The following GRAMD1B variants were observed in gnomAD, a reference collection of about 807,000 sequenced individuals.
GRAMD1B encodes protein Aster-B.
A neutral mutation model predicts 99.7 loss-of-function variants in GRAMD1B; 37 were observed. The observed-to-expected ratio is 0.37, with a 90% CI of 0.29 to 0.49. GRAMD1B has a LOEUF of 0.49. Among genes scored for constraint, GRAMD1B ranks in the 20% least tolerant of loss-of-function variants. The pLI is 0.98. For synonymous variants in GRAMD1B, 427 were observed against 387.6 expected (o/e 1.10, Z -1.19); for missense variants, 888 against 1,009.2 (o/e 0.88, Z 1.63).
chr11:123,597,256 CTTTTTTTTTTTT>C (rs71060518), intron 7 of GRAMD1B, among the ~76,000 whole-genome samples: 2,195 of 76,602 alleles, frequency 0.029, 40 homozygotes, highest in Non-Finnish European at 0.04. Context: ...GCCACTATGC[CTTTTTTTTTTTT>C]TTTTTTTTTT....
intron 1 of GRAMD1B, among the ~76,000 whole-genome samples, chr11:123,461,902 G>A (rs1047337406): frequency 1.3e-5 from 2 of 151,028 alleles, no homozygotes; most frequent in South Asian, 2.1e-4. Context: ...CACTGCGCCC[G>A]GCCAAGATAG....
chr11:123,612,941 A>T, intron 15 of GRAMD1B, 77 bp downstream of exon 15: 1 of 792,754 alleles, frequency 1.3e-6, no homozygotes, highest in Non-Finnish European at 2.1e-6. Context: ...CATTCAGGGG[A>T]ATGGTATTGA....
chr11:123,523,821 A>G (rs548972741), intron 2 of GRAMD1B, among the ~76,000 whole-genome samples: 1 of 152,282 alleles, frequency 6.6e-6, no homozygotes, highest in African/African-American at 2.4e-5. Flanking sequence ...CATCCCTTCA[A>G]TATCTGTGCT....
At chr11:123,446,903 C>T (rs188161616) in intron 1 of GRAMD1B, among the ~76,000 whole-genome samples, 5 of 147,444 alleles carry the variant, frequency 3.4e-5, no homozygotes, top group Non-Finnish European at 5.9e-5. Flanking sequence ...GACCCTGTCT[C>T]GGAAGAAAGA....
chr11:123,627,300 A>G lies in GRAMD1B; in HGVS notation c.*4705A>G, dbSNP rs1270810086. On this transcript the variant is annotated 3_prime_UTR_variant, in exon 20 of 20. Coordinates refer to ENST00000635736, the MANE Select transcript of GRAMD1B (RefSeq NM_001387025.1). The stretch of plus-strand genomic sequence containing the variant: ...CTTGGGTGCCACGTGCTGAGATTGC[A>G]TAGTCAAAACAGCCATTTTTGCCAA... 1 of 152,336 alleles carries G rather than the reference A, an allele frequency of 6.6e-6. No individual in the cohort carries two copies. The highest frequency in any genetic ancestry group is 1.5e-5 in the Non-Finnish European group (1 of 68,112). 9.4% of individuals were successfully genotyped at this position (152,336 alleles called of 1,614,324 possible).
intron 2 of GRAMD1B, among the ~76,000 whole-genome samples, chr11:123,511,084 TC>T (rs1381161594): frequency 5.9e-5 from 9 of 152,158 alleles, no homozygotes; most frequent in African/African-American, 2.2e-4. Flanking sequence ...TCTCTCTCTC[TC>T]TCTCTGTCTT....
At chr11:123,511,567 C>T (rs1025446853) in intron 2 of GRAMD1B, among the ~76,000 whole-genome samples, 1 of 152,114 alleles carries the variant, frequency 6.6e-6, no homozygotes, top group Non-Finnish European at 1.5e-5. Context: ...CTGTGCAGCC[C>T]CAACCCCAGC....
intron 2 of GRAMD1B, among the ~76,000 whole-genome samples, chr11:123,557,977 C>CTTTTTTTTTTTTTTTTTTTTTTTTTT (rs532091098): frequency 1.0e-5 from 1 of 99,922 alleles, no homozygotes; most frequent in Non-Finnish European, 2.0e-5. Flanking sequence ...TTCAGTGCAA[C>CTTTTTTTTTTTTTTTTTTTTTTTTTT]TTTTTTTTTT....
chr11:123,420,319 G>A (rs1241646449), intron 1 of GRAMD1B, among the ~76,000 whole-genome samples: 1 of 152,168 alleles, frequency 6.6e-6, no homozygotes, highest in Non-Finnish European at 1.5e-5. Flanking sequence ...ACTCATCTCA[G>A]ATCTACAGGT....
intron 1 of GRAMD1B, among the ~76,000 whole-genome samples, chr11:123,410,489 C>T (rs879292870): frequency 1.3e-5 from 2 of 152,114 alleles, no homozygotes; most frequent in East Asian, 1.9e-4. Context: ...GATGCTCCAT[C>T]GGTGACTCCG....
At position 123,597,256 on chromosome 11, in the gene GRAMD1B, CTTTTTTTTTTTTT is replaced by C. The variant is rs71060518; in HGVS notation, c.969+1237_969+1249del. Reference sequence around the variant, plus strand: ...GGGACTACAGTGCATGCCACTATGCCTTTTTTTTTTTTTTTTTTTTTTTTTTTTTTAAGAGACA... The same window carrying C: ...GGGACTACAGTGCATGCCACTATGCCTTTTTTTTTTTTTTTTTAAGAGACA... On this transcript the variant is annotated intron_variant, in intron 7 of 19. Coordinates refer to ENST00000635736, the MANE Select transcript of GRAMD1B (RefSeq NM_001387025.1). 1.8e-4 allele frequency among the ~76,000 whole-genome samples: 14 copies of C among 76,568 alleles called. 1 individual carries two copies. Among genetic ancestry groups the C allele is most frequent in the South Asian group, 1.4e-3 (3 of 2,180 alleles). 50.2% of individuals were successfully genotyped at this position (76,568 alleles called of 152,430 possible).
At chr11:123,584,125 G>C (rs947873288) in intron 3 of GRAMD1B, among the ~76,000 whole-genome samples, 187 bp from the exon 4 acceptor site, 12 of 151,846 alleles carry the variant, frequency 7.9e-5, no homozygotes, top group African/African-American at 2.7e-4. Flanking sequence ...GACTGCTCCC[G>C]GGCCTCCTTT....
chr11:123,385,055 T>G (rs938179121), intron 1 of GRAMD1B, among the ~76,000 whole-genome samples: 1 of 152,204 alleles, frequency 6.6e-6, no homozygotes, highest in African/African-American at 2.4e-5. Flanking sequence ...TAATGATACC[T>G]CAAATTCAAT....
At chr11:123,441,977 CAT>C (rs1328723552) in intron 1 of GRAMD1B, among the ~76,000 whole-genome samples, 1 of 152,160 alleles carries the variant, frequency 6.6e-6, no homozygotes, top group Non-Finnish European at 1.5e-5. Context: ...AGTGTTAGTC[CAT>C]GCGTTGAGGA....
intron 4 of GRAMD1B, among the ~76,000 whole-genome samples, chr11:123,592,395 G>A (rs1450410778): frequency 6.6e-6 from 1 of 152,154 alleles, no homozygotes; most frequent in Non-Finnish European, 1.5e-5. Context: ...TAACTTCTCT[G>A]TTTCTCAATT....
chr11:123,465,835 G>T (rs557069665), intron 1 of GRAMD1B, among the ~76,000 whole-genome samples: 198 of 151,998 alleles, frequency 1.3e-3, no homozygotes, highest in Non-Finnish European at 2.3e-3. Context: ...TGGAGAGGAA[G>T]TTGGGACATT....
At chr11:123,370,335 C>CTGT in intron 1 of GRAMD1B, among the ~76,000 whole-genome samples, 1 of 130,064 alleles carries the variant, frequency 7.7e-6, no homozygotes, top group African/African-American at 3.4e-5. Flanking sequence ...AAGAAGTTAT[C>CTGT]TCTTTTTTTT....
chr11:123,599,217 T>C, intron 7 of GRAMD1B: 1 of 762,040 alleles, frequency 1.3e-6, no homozygotes, highest in Non-Finnish European at 2.5e-6. Flanking sequence ...AGAAAATTCC[T>C]TGGGTCCTGA....
intron 19 of GRAMD1B, among the ~76,000 whole-genome samples, chr11:123,619,743 C>A (rs913437774): frequency 6.6e-6 from 1 of 152,148 alleles, no homozygotes; most frequent in Non-Finnish European, 1.5e-5. Flanking sequence ...AAAACTAGAT[C>A]AACTATTTAG....
Sources: allele counts gnomAD v4.1 joint callset (sites outside exome capture counted in the v4.1 genomes callset), GRCh38; gene constraint gnomAD v4.1.1; transcripts MANE v1.5; gene names NCBI Gene and HGNC (gene_info 2026-07-23, HGNC 2026-07-21).